The following TXLNB variants were observed in gnomAD, a reference collection of about 807,000 sequenced individuals.
The protein encoded by TXLNB is beta-taxilin.
Under a neutral mutation model 57.4 loss-of-function variants are expected in TXLNB, and 37 were observed. The ratio of observed to expected loss-of-function variants is 0.64; its 90% CI spans 0.50 to 0.85. TXLNB has a LOEUF of 0.85. TXLNB is among the 40% of genes least tolerant of loss of function. The pLI, the probability that TXLNB is intolerant of heterozygous loss-of-function variation, is 0.00. For synonymous variants in TXLNB, 302 were observed against 309.6 expected, an observed-to-expected ratio of 0.98 and a Z score of 0.26; for missense variants, 848 against 825.6, an observed-to-expected ratio of 1.03 and a Z score of -0.33.
At chr6:139,279,699 T>G (rs539340394) in intron 2 of TXLNB, among the ~76,000 whole-genome samples, 3 of 152,098 alleles carry the variant, frequency 2.0e-5, no homozygotes, top group Non-Finnish European at 4.4e-5. Context: ...GGTGACAGTG[T>G]CAAACAAAAG....
the TXLNB span, chr6:139,201,721 A>G: frequency 6.6e-6 from 1 of 152,188 alleles, no homozygotes; most frequent in Non-Finnish European, 1.5e-5. Context: ...TGATTCCCCG[A>G]CAGTTCCCTC....
intron 3 of TXLNB, 49 bp downstream of exon 3, chr6:139,276,781 A>C: frequency 7.0e-7 from 1 of 1,430,976 alleles, no homozygotes. Context: ...AGCTAGAGGC[A>C]CTGGGCTCAC....
chr6:139,258,571 CT>C (rs1355810435), intron 6 of TXLNB, among the ~76,000 whole-genome samples: 2 of 152,178 alleles, frequency 1.3e-5, no homozygotes, highest in Non-Finnish European at 2.9e-5. Flanking sequence ...CAAAATTTGT[CT>C]TTTTGTTGCC....
At chr6:139,233,945 A>C in the TXLNB span, among the ~76,000 whole-genome samples, 2 of 152,174 alleles carry the variant, frequency 1.3e-5, no homozygotes, top group Admixed American at 1.3e-4. Flanking sequence ...GCTTTGACCA[A>C]AATGCTGATA....
At chr6:139,308,505 G>A in the TXLNB span, among the ~76,000 whole-genome samples, 6 of 152,174 alleles carry the variant, frequency 3.9e-5, no homozygotes, top group Non-Finnish European at 5.9e-5. Context: ...CTTTATTTGT[G>A]TTCACTTCCT....
downstream of TXLNB, chr6:139,239,132 G>C (rs967322794): frequency 1.3e-5 from 2 of 152,258 alleles, no homozygotes; most frequent in Non-Finnish European, 2.9e-5. The surrounding 1 kb of genome is among the most constrained non-coding windows in gnomAD (Gnocchi z 4.7). Flanking sequence ...AGCACGCTAG[G>C]AAATGTGGTG....
chr6:139,219,259 A>G, the TXLNB span, among the ~76,000 whole-genome samples: 6 of 152,220 alleles, frequency 3.9e-5, no homozygotes, highest in East Asian at 1.2e-3. Flanking sequence ...GAGGAGGCCT[A>G]CTTAATCACT....
At chr6:139,264,459 T>C (rs944435296) in intron 4 of TXLNB, among the ~76,000 whole-genome samples, 2 of 152,178 alleles carry the variant, frequency 1.3e-5, no homozygotes, top group Non-Finnish European at 2.9e-5. Flanking sequence ...GTACAGATGA[T>C]AGGATGGCAC....
chr6:139,219,418 G>A, the TXLNB span, among the ~76,000 whole-genome samples: 11 of 152,206 alleles, frequency 7.2e-5, no homozygotes, highest in Non-Finnish European at 1.3e-4. Context: ...GCTGGCAGCC[G>A]CACGGAGGCT....
chr6:139,170,612 T>C, the TXLNB span: 1 of 152,322 alleles, frequency 6.6e-6, no homozygotes, highest in Non-Finnish European at 1.5e-5. Context: ...CAGGTTGCGA[T>C]GAGGAGCTAG....
intron 4 of TXLNB, among the ~76,000 whole-genome samples, chr6:139,267,444 G>C (rs116250957): frequency 2.0e-5 from 3 of 152,226 alleles, no homozygotes; most frequent in African/African-American, 7.2e-5. Flanking sequence ...GAAAAATTAA[G>C]AATGTATATT....
intron 4 of TXLNB, among the ~76,000 whole-genome samples, chr6:139,267,617 A>G (rs373512051): frequency 6.6e-6 from 1 of 152,222 alleles, no homozygotes; most frequent in African/African-American, 2.4e-5. Flanking sequence ...AATGGTAGAC[A>G]TATATCAAAC....
chr6:139,318,719 G>T, the TXLNB span, among the ~76,000 whole-genome samples: 1 of 152,152 alleles, frequency 6.6e-6, no homozygotes, highest in African/African-American at 2.4e-5. Flanking sequence ...AATTCTATAA[G>T]CAGTGCAAAC....
chr6:139,314,541 A>C, the TXLNB span, among the ~76,000 whole-genome samples: 2 of 152,210 alleles, frequency 1.3e-5, no homozygotes, highest in African/African-American at 4.8e-5. Flanking sequence ...CCTACATCGC[A>C]TAAAACCAAG....
At chr6:139,303,188 A>G in the TXLNB span, among the ~76,000 whole-genome samples, 1 of 152,206 alleles carries the variant, frequency 6.6e-6, no homozygotes, top group Admixed American at 6.5e-5. Context: ...TATTTAAAAT[A>G]TATGGATTTT....
At chr6:139,306,741 G>A in the TXLNB span, among the ~76,000 whole-genome samples, 1 of 152,180 alleles carries the variant, frequency 6.6e-6, no homozygotes, top group Non-Finnish European at 1.5e-5. Context: ...AGCACAGCAT[G>A]TGGGATGTAG....
chr6:139,160,817 G>T, the TXLNB span, among the ~76,000 whole-genome samples: 2 of 152,292 alleles, frequency 1.3e-5, no homozygotes, highest in East Asian at 1.9e-4. Context: ...AAATACAGCG[G>T]TATAAAATTA....
the TXLNB span, among the ~76,000 whole-genome samples, chr6:139,315,618 A>G: frequency 6.6e-6 from 1 of 152,234 alleles, no homozygotes; most frequent in Non-Finnish European, 1.5e-5. Context: ...ACACAAATAG[A>G]ATATTTATAA....
At chr6:139,221,182 G>A in the TXLNB span, among the ~76,000 whole-genome samples, 1 of 152,296 alleles carries the variant, frequency 6.6e-6, no homozygotes, top group Admixed American at 6.5e-5. Context: ...AGGATGAGAC[G>A]CTAAGCAAAG....
Sources: allele counts gnomAD v4.1 joint callset (sites outside exome capture counted in the v4.1 genomes callset), GRCh38; gene constraint gnomAD v4.1.1; non-coding constraint Gnocchi (gnomAD v3.1); transcripts MANE v1.5; gene names NCBI Gene and HGNC (gene_info 2026-07-23, HGNC 2026-07-21).